Variants in SCUBE1 observed in about 807,000 individuals in gnomAD.
SCUBE1 encodes the protein signal peptide, CUB domain and EGF like domain containing 1.
SCUBE1 carries 59 observed loss-of-function variants against 124.4 expected under a neutral mutation model. The observed-to-expected ratio is 0.47, with a 90% CI of 0.38 to 0.59. SCUBE1 has a LOEUF of 0.59. SCUBE1 is among the 20% of genes least tolerant of loss of function. The pLI, the probability that SCUBE1 is intolerant of heterozygous loss-of-function variation, is 0.00. For missense variants in SCUBE1, 1,150 were observed against 1,371.2 expected (o/e 0.84, Z 2.55); for synonymous variants, 545 against 550.9 (o/e 0.99, Z 0.15).
At position 43,198,185 on chromosome 22, in the gene SCUBE1, G is replaced by C. The variant is rs1920955107; in HGVS notation, c.*5812C>G. 1.2e-5 allele frequency: 3 copies of C among 260,206 alleles called. No individual in the cohort carries two copies. The Admixed American group carries it at 1.5e-4, about 13-fold the overall frequency. 16.1% of individuals were successfully genotyped at this position (260,206 alleles called of 1,614,324 possible). A position where few individuals can be genotyped will look rare whatever the true frequency, so the allele number is the denominator to read the frequency against. On this transcript the variant is annotated 3_prime_UTR_variant, in exon 22 of 22. Transcript: ENST00000360835. ...ATTAGAGGGTTGAGCCCAGAGCCTG[G>C]CACCCAGTGGGCACTGAGTGAGCGT...
intron 10 of SCUBE1, among the ~76,000 whole-genome samples, chr22:43,225,247 C>A (rs17003563): frequency 0.021 from 3,153 of 151,966 alleles, 87 homozygotes; most frequent in African/African-American, 0.057. Flanking sequence ...TAGGGTTTAT[C>A]CCAGGAAAGC....
At chr22:43,247,193 T>C (rs1175450432) in intron 6 of SCUBE1, among the ~76,000 whole-genome samples, 8 of 152,176 alleles carry the variant, frequency 5.3e-5, no homozygotes, top group Non-Finnish European at 1.0e-4. Context: ...GGATGGAAAG[T>C]GGCTGAGCAC....
chr22:43,234,545 C>T lies in SCUBE1; in HGVS notation c.845-2670G>A, dbSNP rs149403858. Among the ~76,000 whole-genome samples, 248 of 152,304 alleles carry T rather than the reference C, an allele frequency of 1.6e-3. 1 individual carries two copies. The highest frequency in any genetic ancestry group is 4.0e-3 in the African/African-American group (167 of 41,564). ...GAGGGAGGCATGTCTGCCTGAGGCC[C>T]GGGCTGGTGTAGCTGGCTGCCTGGG... On this transcript the variant is annotated intron_variant, in intron 7 of 21. Coordinates refer to ENST00000360835, the MANE Select transcript of SCUBE1 (RefSeq NM_173050.5). The surrounding 1 kb of genome is among the most constrained non-coding windows in gnomAD (Gnocchi z 4.4).
At chr22:43,251,244 C>T (rs1011411813) in intron 6 of SCUBE1, among the ~76,000 whole-genome samples, 13 of 152,214 alleles carry the variant, frequency 8.5e-5, no homozygotes, top group African/African-American at 3.1e-4. Context: ...TGGGGTGCAT[C>T]CCACATCTTC....
At position 43,210,061 on chromosome 22, in the gene SCUBE1, G is replaced by C; in HGVS notation, c.2563C>G (p.Leu855Val). The change falls in exon 19 of 22, where the codon CTG becomes GTG. Residue 855 changes from leucine to valine, a missense_variant. Leu to Val is a conservative substitution (Grantham distance 32). Around this residue, in one of 3 missense-constraint regions of SCUBE1, gnomAD observed 757 missense variants for 840.9 expected, o/e 0.90. Transcript: ENST00000360835. This position sits in a 1 kb window ranked among gnomAD's most constrained non-coding sequence, Gnocchi z 4.5. The part of the protein sequence containing the change: ...LPIEDECGDV[L>V]VMRKSASPTS... ...AACATACCACTCTTCCTCATGACCA[G>C]AACATCGCCGCACTCATCCTCGATG... The C allele has an allele frequency of 6.2e-7, 1 of 1,609,682 alleles. No homozygotes were observed. Among genetic ancestry groups the C allele is most frequent in the Non-Finnish European group, 8.5e-7 (1 of 1,178,058 alleles).
intron 10 of SCUBE1, among the ~76,000 whole-genome samples, chr22:43,225,340 GAGAC>G (rs1922260158): frequency 6.6e-6 from 1 of 152,126 alleles, no homozygotes; most frequent in Non-Finnish European, 1.5e-5. Flanking sequence ...TAAACTCCAG[GAGAC>G]AGACAAACAT....
chr22:43,231,996 C>T (rs1922574515), intron 7 of SCUBE1, 121 bp from the exon 8 acceptor site: 2 of 1,209,980 alleles, frequency 1.7e-6, no homozygotes, highest in African/African-American at 1.5e-5. Context: ...GTGCCCACTT[C>T]CCAAGCTGGC....
intron 3 of SCUBE1, among the ~76,000 whole-genome samples, chr22:43,314,855 G>A (rs1278451805): frequency 1.3e-5 from 2 of 152,130 alleles, no homozygotes; most frequent in African/African-American, 4.8e-5. Flanking sequence ...AGGAATATTT[G>A]TCAAGGTAGA....
chr22:43,293,247 T>C (rs1337713646), intron 3 of SCUBE1, among the ~76,000 whole-genome samples: 2 of 152,218 alleles, frequency 1.3e-5, no homozygotes, highest in East Asian at 3.8e-4. Flanking sequence ...GAGTGTTTAT[T>C]ATGTGTTAGG....
chr22:43,219,353 C>T lies in SCUBE1; in HGVS notation c.1688-895G>A, dbSNP rs1381459533. Among the ~76,000 whole-genome samples, 3 of 152,182 alleles carry T rather than the reference C, an allele frequency of 2.0e-5. No homozygotes were observed. In the South Asian group the frequency reaches 6.2e-4, roughly 32 times the overall value. On this transcript the variant is annotated intron_variant, in intron 14 of 21. Transcript: ENST00000360835. ...CGTGAGCAGAAGCAGCCTAAGGCCT[C>T]GCCAGGCAGATGCTGCTGCCGTGTT...
intron 10 of SCUBE1, among the ~76,000 whole-genome samples, chr22:43,223,577 C>T (rs1166014735): frequency 1.3e-5 from 2 of 152,150 alleles, no homozygotes; most frequent in African/African-American, 4.8e-5. Context: ...TGGGAGGGGC[C>T]GTGGGGGGGA....
chr22:43,343,276 C>G lies in SCUBE1; in HGVS notation c.-15G>C, dbSNP rs1927395387. The stretch of plus-strand genomic sequence containing the variant: ...GCCGCGCCCATGCTCAATGCGGGCC[C>G]CGCTGGGCGTGCGGGCGTGCGGGGC... On this transcript the variant is annotated 5_prime_UTR_variant, in exon 1 of 22. Coordinates refer to ENST00000360835, the MANE Select transcript of SCUBE1 (RefSeq NM_173050.5). The G allele has an allele frequency of 9.0e-7, 1 of 1,112,106 alleles. No individual in the cohort carries two copies. The highest frequency in any genetic ancestry group is 1.7e-5 in the African/African-American group (1 of 59,710). 68.9% of individuals were successfully genotyped at this position (1,112,106 alleles called of 1,614,324 possible).
chr22:43,341,586 A>G (rs769351922), intron 1 of SCUBE1, among the ~76,000 whole-genome samples: 34 of 152,196 alleles, frequency 2.2e-4, no homozygotes, highest in Non-Finnish European at 4.7e-4. Flanking sequence ...GGGTGGGTGG[A>G]GCTATCTCCC....
intron 6 of SCUBE1, among the ~76,000 whole-genome samples, chr22:43,250,258 C>G (rs1210256756): frequency 6.6e-6 from 1 of 152,248 alleles, no homozygotes; most frequent in East Asian, 1.9e-4. Flanking sequence ...AGGGCCCTGT[C>G]TCCCGGGAGA....
intron 1 of SCUBE1, among the ~76,000 whole-genome samples, chr22:43,340,353 ACT>A (rs1927269249): frequency 6.6e-6 from 1 of 151,756 alleles, no homozygotes. Context: ...GGCTCCCGAC[ACT>A]CTCTACCTCC....
In SCUBE1 at chr22:43,317,538, G is replaced by A. The variant is rs548612698; in HGVS notation, c.349+2399C>T. 9.1e-4 allele frequency among the ~76,000 whole-genome samples: 139 copies of A among 152,332 alleles called. 3 individuals carry two copies. In the South Asian group the frequency reaches 0.028, roughly 30 times the overall value. ...TCTACCAACAAGGGCCTGAGACCCA[G>A]ACAATCAATAATGTATCTACGGACA... is the stretch of plus-strand genomic sequence containing the variant. On this transcript the variant is annotated intron_variant, in intron 3 of 21. Transcript: ENST00000360835.
intron 15 of SCUBE1, among the ~76,000 whole-genome samples, chr22:43,217,992 CCCT>C (rs1019374383): frequency 3.3e-5 from 5 of 151,798 alleles, no homozygotes; most frequent in Non-Finnish European, 7.4e-5. Flanking sequence ...CCCCTCGCGC[CCCT>C]CGACTGTGGC....
intron 3 of SCUBE1, among the ~76,000 whole-genome samples, chr22:43,307,419 C>T (rs1228368651): frequency 6.6e-6 from 1 of 152,212 alleles, no homozygotes; most frequent in Non-Finnish European, 1.5e-5. Flanking sequence ...GAAAAGTGTT[C>T]GCCATGCTGG....
intron 3 of SCUBE1, among the ~76,000 whole-genome samples, chr22:43,296,208 C>T (rs1295698659): frequency 6.6e-6 from 1 of 152,236 alleles, no homozygotes; most frequent in Non-Finnish European, 1.5e-5. Flanking sequence ...TTCGGGTCCC[C>T]ACATCAGTCC....
Sources: gnomAD v4.1 joint callset for allele counts (sites outside exome capture counted in the v4.1 genomes callset) on GRCh38, gnomAD v4.1.1 for gene constraint, gnomAD v4.1.1 regional missense constraint, Gnocchi (gnomAD v3.1) non-coding constraint, MANE v1.5 for transcripts, NCBI Gene and HGNC (gene_info 2026-07-23, HGNC 2026-07-21) for gene names.